Variants in ELMO2 observed in about 807,000 individuals in gnomAD.
The protein encoded by ELMO2 is engulfment and cell motility protein 2.
ELMO2 carries 37 observed loss-of-function variants against 96.2 expected under a neutral mutation model. That is an observed-to-expected ratio of 0.38 (90% CI 0.30 to 0.51). The LOEUF (loss-of-function observed/expected upper bound fraction) is 0.51. Among genes scored for constraint, ELMO2 ranks in the 20% least tolerant of loss-of-function variants. The pLI is 0.88. For synonymous variants in ELMO2, 315 were observed against 329.4 expected (o/e 0.96, Z 0.47); for missense variants, 561 against 912.6 (o/e 0.61, Z 4.96).
Position 46,371,217 on chromosome 20 carries a change from G to T in ELMO2, c.1801+135C>A. On this transcript the variant is annotated intron_variant, in intron 19 of 21. Coordinates refer to ENST00000290246, the MANE Select transcript of ELMO2 (RefSeq NM_133171.5). The surrounding 1 kb of genome is among the most constrained non-coding windows in gnomAD (Gnocchi z 5.9). ...CCGAGTAGGCCAGGTAGAGGAAATC[G>T]CTGACAGATAAGGAAACAGGTCCAG... 1.2e-6 allele frequency: 1 copy of T among 828,394 alleles called. No homozygotes were observed. Among genetic ancestry groups the T allele is most frequent in the Non-Finnish European group, 1.9e-6 (1 of 525,854 alleles). The allele number at this position is 828,394 out of a possible 1,614,324, so 51.3% of individuals were successfully genotyped here. A position where few individuals can be genotyped will look rare whatever the true frequency, so the allele number is the denominator to read the frequency against.
At chr20:46,369,002 A>T in intron 20 of ELMO2, 34 bp from the exon 21 acceptor site, 1 of 1,604,614 alleles carries the variant, frequency 6.2e-7, no homozygotes, top group Non-Finnish European at 8.5e-7. Flanking sequence ...AGAGCGATGG[A>T]ACAGCCTGGG....
Position 46,367,297 on chromosome 20 carries a change from TGTAA to T in ELMO2, c.*59_*62del, listed in dbSNP as rs1307169169. ...ACAAGCAAAAGACAAGGCACCAGAATGTAAGTGTTTCTCCTGGGCCCAAAATCCC... is the reference window on the plus strand; with the variant it reads ...ACAAGCAAAAGACAAGGCACCAGAATGTGTTTCTCCTGGGCCCAAAATCCC... On this transcript the variant is annotated 3_prime_UTR_variant, in exon 22 of 22. Transcript: ENST00000290246. The T allele has an allele frequency of 4.4e-6, 6 of 1,353,418 alleles. No individual in the cohort carries two copies. Among genetic ancestry groups the T allele is most frequent in the Admixed American group, 6.2e-5 (2 of 32,454 alleles). The allele number at this position is 1,353,418 out of a possible 1,614,324, so 83.8% of individuals were successfully genotyped here. A position where few individuals can be genotyped will look rare whatever the true frequency, so the allele number is the denominator to read the frequency against.
At chr20:46,382,316 G>GA in intron 10 of ELMO2, 2 of 1,267,298 alleles carry the variant, frequency 1.6e-6, no homozygotes, top group Non-Finnish European at 2.1e-6. Context: ...CAAGGACCGG[G>GA]AAGGCAGATT....
intron 2 of ELMO2, among the ~76,000 whole-genome samples, chr20:46,396,883 T>C (rs2145849537): frequency 6.6e-6 from 1 of 152,278 alleles, no homozygotes; most frequent in South Asian, 2.1e-4. Context: ...GCCTTCTAAG[T>C]CTAAAAGTCC....
In ELMO2 at chr20:46,389,236, C is replaced by T. The variant is rs771565879; in HGVS notation, c.244-16G>A. 4.3e-6 allele frequency: 7 copies of T among 1,611,092 alleles called. No homozygotes were observed. In the Admixed American group the frequency reaches 1.0e-4, roughly 23 times the overall value. Reference sequence around the variant, plus strand: ...CAGCCCGGGACTAGGAGGCCAGGGACAAGATATGTGCCATCTGCTCCTTGG... The same window carrying T: ...CAGCCCGGGACTAGGAGGCCAGGGATAAGATATGTGCCATCTGCTCCTTGG... On this transcript the variant is annotated splice_polypyrimidine_tract_variant and intron_variant, in intron 6 of 21. Coordinates refer to ENST00000290246, the MANE Select transcript of ELMO2 (RefSeq NM_133171.5).
chr20:46,389,258 T>C (rs1383221834), intron 6 of ELMO2, 38 bp from the exon 7 acceptor site: 77 of 1,592,458 alleles, frequency 4.8e-5, no homozygotes, highest in Non-Finnish European at 6.2e-5. Context: ...CATCTGCTCC[T>C]TGGAGCAGGT....
In ELMO2 at chr20:46,371,070, G is replaced by C. The variant is rs1016118010; in HGVS notation, c.1801+282C>G. 6.6e-6 allele frequency among the ~76,000 whole-genome samples: 1 copy of C among 152,140 alleles called. No individual in the cohort carries two copies. Among genetic ancestry groups the C allele is most frequent in the African/African-American group, 2.4e-5 (1 of 41,420 alleles). Reference sequence around the variant, plus strand: ...GGAGCAAAGCCAGGATTTGAATGTGGGCAGTCTGGCTTCACAGCTTCTCCT... The same window carrying C: ...GGAGCAAAGCCAGGATTTGAATGTGCGCAGTCTGGCTTCACAGCTTCTCCT... On this transcript the variant is annotated intron_variant, in intron 19 of 21. Transcript: ENST00000290246. This position sits in a 1 kb window ranked among gnomAD's most constrained non-coding sequence, Gnocchi z 5.9.
intron 9 of ELMO2, among the ~76,000 whole-genome samples, chr20:46,384,105 C>T (rs1022600864): frequency 1.6e-4 from 24 of 151,948 alleles, no homozygotes; most frequent in Non-Finnish European, 3.4e-4. Context: ...AATGAGATCC[C>T]GATTTTGTTA....
At chr20:46,402,502 G>A (rs1298019016) in intron 1 of ELMO2, among the ~76,000 whole-genome samples, 1 of 152,226 alleles carries the variant, frequency 6.6e-6, no homozygotes, top group Non-Finnish European at 1.5e-5. Context: ...CAGAAACTGA[G>A]ATGGAAAATA....
At chr20:46,393,071 C>A in intron 6 of ELMO2, 22 bp downstream of exon 6, 2 of 1,611,032 alleles carry the variant, frequency 1.2e-6, no homozygotes, top group Non-Finnish European at 1.7e-6. Flanking sequence ...GAATAAACTC[C>A]TAAGGAAGAA....
intron 6 of ELMO2, among the ~76,000 whole-genome samples, chr20:46,390,050 G>A (rs1184770196): frequency 2.0e-5 from 3 of 152,034 alleles, no homozygotes; most frequent in Non-Finnish European, 4.4e-5. Context: ...CTACTCAGGA[G>A]GCTGAGGCAG....
At chr20:46,394,645 A>G (rs1600879675) in intron 2 of ELMO2, 113 bp from the exon 3 acceptor site, 1 of 774,790 alleles carries the variant, frequency 1.3e-6, no homozygotes, top group Non-Finnish European at 2.1e-6. Context: ...ACATGAAACT[A>G]CCTGGTTTGA....
chr20:46,380,350 C>T, intron 10 of ELMO2, 47 bp from the exon 11 acceptor site: 1 of 1,466,004 alleles, frequency 6.8e-7, no homozygotes, highest in Non-Finnish European at 9.5e-7. Context: ...CAGGCACACA[C>T]CTGTGACTAC....
chr20:46,395,799 T>G (rs2145846952), intron 2 of ELMO2, among the ~76,000 whole-genome samples: 1 of 152,342 alleles, frequency 6.6e-6, no homozygotes. Context: ...CATGACAATG[T>G]AAAGGAACTA....
At chr20:46,367,626 C>A (rs41310002) in intron 21 of ELMO2, 66 bp from the exon 22 acceptor site, 22,131 of 1,363,112 alleles carry the variant, frequency 0.016, 228 homozygotes, top group Non-Finnish European at 0.019. Flanking sequence ...CTGCCAAGGT[C>A]TCTTTTCTGA....
Position 46,370,502 on chromosome 20 carries a change from T to C in ELMO2, c.1825A>G (p.Ile609Val), listed in dbSNP as rs371778780. The change falls in exon 20 of 22, where the codon ATT becomes GTT. Residue 609 changes from isoleucine to valine, a missense_variant. Coordinates refer to ENST00000290246, the MANE Select transcript of ELMO2 (RefSeq NM_133171.5). ...EKIPVADIKA[I>V]VTGKDCPHMK... ...TGGGGACAATCTTTCCCAGTGACAA[T>C]GGCCTTAATGTCTGCAACAGGAACT... 2.8e-5 allele frequency: 46 copies of C among 1,614,100 alleles called. No homozygotes were observed. Among genetic ancestry groups the C allele is most frequent in the Non-Finnish European group, 3.7e-5 (44 of 1,180,046 alleles).
chr20:46,404,852 T>C (rs1191584849), intron 1 of ELMO2, among the ~76,000 whole-genome samples: 1 of 152,248 alleles, frequency 6.6e-6, no homozygotes, highest in African/African-American at 2.4e-5. Flanking sequence ...TTCCATTTTT[T>C]AATGTGGCTA....
chr20:46,406,380 G>A (rs1024130526), intron 1 of ELMO2, among the ~76,000 whole-genome samples, 168 bp downstream of exon 1: 4 of 152,198 alleles, frequency 2.6e-5, no homozygotes, highest in African/African-American at 9.6e-5. Flanking sequence ...CCCCTCGGGG[G>A]CCTGACGAGC....
At chr20:46,402,301 T>C (rs1264512192) in intron 1 of ELMO2, among the ~76,000 whole-genome samples, 1 of 152,202 alleles carries the variant, frequency 6.6e-6, no homozygotes, top group Non-Finnish European at 1.5e-5. Flanking sequence ...TCCACAGAAT[T>C]CCACAGGAAA....
Sources: gnomAD v4.1 joint callset for allele counts (sites outside exome capture counted in the v4.1 genomes callset) on GRCh38, gnomAD v4.1.1 for gene constraint, Gnocchi (gnomAD v3.1) non-coding constraint, MANE v1.5 for transcripts, NCBI Gene and HGNC (gene_info 2026-07-23, HGNC 2026-07-21) for gene names.